Variants in GLI3 observed in about 807,000 individuals in gnomAD.
The protein encoded by GLI3 is transcription activator GLI3.
Under a neutral mutation model 100.8 loss-of-function variants are expected in GLI3, and 20 were observed. That is an observed-to-expected ratio of 0.20 (90% CI 0.14 to 0.29). The LOEUF (loss-of-function observed/expected upper bound fraction) is 0.29. Ranked by LOEUF, GLI3 falls within the 10% of genes least tolerant of loss-of-function variation. GLI3 has a pLI of 1.00. For missense variants in GLI3, 2,040 were observed against 2,128.5 expected (o/e 0.96, Z 0.82); for synonymous variants, 938 against 860.5 (o/e 1.09, Z -1.58).
intron 1 of GLI3, among the ~76,000 whole-genome samples, chr7:42,235,201 T>C (rs759737921): frequency 2.6e-4 from 39 of 152,218 alleles, no homozygotes; most frequent in Non-Finnish European, 4.6e-4. Context: ...TAATTTTTAA[T>C]CTAAAACCTA....
At chr7:41,977,922 T>C (rs1271913576) in intron 11 of GLI3, 200 bp from the exon 12 acceptor site, 1 of 609,716 alleles carries the variant, frequency 1.6e-6, no homozygotes, top group East Asian at 2.8e-5. Context: ...GAGTTTTCAG[T>C]GCCAGTAAAA....
intron 2 of GLI3, among the ~76,000 whole-genome samples, chr7:42,206,071 C>G (rs1453349702): frequency 1.3e-5 from 2 of 152,018 alleles, no homozygotes; most frequent in African/African-American, 2.4e-5. Flanking sequence ...AGTTCGAGAC[C>G]AGCCTGACCA....
At chr7:41,980,616 G>A (rs1787637614) in intron 10 of GLI3, among the ~76,000 whole-genome samples, 1 of 152,128 alleles carries the variant, frequency 6.6e-6, no homozygotes. Flanking sequence ...AGGGAGGGAG[G>A]AAGCAAGGAA....
chr7:42,219,562 T>C (rs1319651609), intron 2 of GLI3, among the ~76,000 whole-genome samples: 1 of 152,234 alleles, frequency 6.6e-6, no homozygotes, highest in African/African-American at 2.4e-5. Context: ...GGTCTGCGTA[T>C]GTTTAAACAA....
rs181715456 is a variant in GLI3, at chr7:42,120,059, C to T, written c.367+28167G>A. The stretch of plus-strand genomic sequence containing the variant: ...GTGCCATGGGTCTCAAGGCTGAGGG[C>T]TGCTTATGGATGCAACTTTAAATTT... On this transcript the variant is annotated intron_variant, in intron 3 of 14. Coordinates refer to ENST00000395925, the MANE Select transcript of GLI3 (RefSeq NM_000168.6). Among the ~76,000 whole-genome samples the T allele has an allele frequency of 3.1e-3, 468 of 152,278 alleles. 1 individual carries two copies. The highest frequency in any genetic ancestry group is 0.014 in the South Asian group (69 of 4,820).
intron 2 of GLI3, among the ~76,000 whole-genome samples, chr7:42,210,136 C>T (rs1019054184): frequency 4.3e-4 from 65 of 152,076 alleles, no homozygotes; most frequent in Non-Finnish European, 6.2e-4. Context: ...GCCCCGCTGT[C>T]GAACATGGTT....
chr7:42,222,410 T>C (rs961470421), intron 2 of GLI3, among the ~76,000 whole-genome samples: 7 of 152,062 alleles, frequency 4.6e-5, no homozygotes, highest in Admixed American at 4.6e-4. Context: ...TGGCCCACAA[T>C]GGAGAAACAG....
chr7:42,013,327 T>C (rs973991934), intron 10 of GLI3, among the ~76,000 whole-genome samples: 8 of 152,128 alleles, frequency 5.3e-5, no homozygotes, highest in Non-Finnish European at 1.0e-4. Context: ...TGTAGATGTA[T>C]GGAACTATTT....
At chr7:42,172,847 C>G (rs1440277692) in intron 2 of GLI3, among the ~76,000 whole-genome samples, 1 of 152,230 alleles carries the variant, frequency 6.6e-6, no homozygotes, top group Non-Finnish European at 1.5e-5. Flanking sequence ...ATCACTCTCA[C>G]AGCAACCTTG....
chr7:42,128,472 G>A (rs578260787), intron 3 of GLI3, among the ~76,000 whole-genome samples: 3 of 152,298 alleles, frequency 2.0e-5, no homozygotes, highest in South Asian at 2.1e-4. Flanking sequence ...TCTTTGGAAA[G>A]CTGCCTCTTT....
At chr7:42,176,001 G>T (rs990918526) in intron 2 of GLI3, among the ~76,000 whole-genome samples, 6 of 152,242 alleles carry the variant, frequency 3.9e-5, no homozygotes, top group African/African-American at 1.4e-4. Flanking sequence ...ACTCTGAACA[G>T]TACAGGGCCC....
intron 10 of GLI3, among the ~76,000 whole-genome samples, chr7:41,980,577 C>A (rs1175488166): frequency 6.6e-6 from 1 of 150,888 alleles, no homozygotes; most frequent in East Asian, 1.9e-4. Flanking sequence ...TGGATTAATG[C>A]ATATGAAAGG....
At chr7:42,249,770 C>T (rs1207284458) in intron 1 of GLI3, among the ~76,000 whole-genome samples, 2 of 125,056 alleles carry the variant, frequency 1.6e-5, no homozygotes, top group Non-Finnish European at 3.6e-5. Context: ...TGTACATGCA[C>T]AAACACACAC....
chr7:42,167,325 T>G (rs1001247304), intron 2 of GLI3, among the ~76,000 whole-genome samples: 1 of 152,148 alleles, frequency 6.6e-6, no homozygotes, highest in Non-Finnish European at 1.5e-5. Flanking sequence ...AGAATTCCTC[T>G]CTCCCAGCAT....
At chr7:42,200,559 A>G (rs139831475) in intron 2 of GLI3, among the ~76,000 whole-genome samples, 4 of 152,292 alleles carry the variant, frequency 2.6e-5, no homozygotes, top group Non-Finnish European at 5.9e-5. Flanking sequence ...TGTTGAAGTG[A>G]TGGGGAGGCA....
chr7:42,181,526 GCCCAGGAGGT>G (rs1787592987), intron 2 of GLI3, among the ~76,000 whole-genome samples: 1 of 152,100 alleles, frequency 6.6e-6, no homozygotes, highest in Admixed American at 6.6e-5. Context: ...GACTGCCTGA[GCCCAGGAGGT>G]CAAGACTGAA....
At chr7:42,166,920 G>A (rs564559435) in intron 2 of GLI3, among the ~76,000 whole-genome samples, 1 of 151,952 alleles carries the variant, frequency 6.6e-6, no homozygotes, top group East Asian at 1.9e-4. Flanking sequence ...CTGCCTCCGG[G>A]GTTTGAGCAA....
At chr7:42,065,848 G>A (rs1388778481) in intron 4 of GLI3, among the ~76,000 whole-genome samples, 3 of 152,076 alleles carry the variant, frequency 2.0e-5, no homozygotes, top group Admixed American at 2.0e-4. Context: ...TGACTTAGTA[G>A]CCTCTTTCAC....
upstream of GLI3, among the ~76,000 whole-genome samples, chr7:42,238,283 C>T (rs1355555501): frequency 6.6e-6 from 1 of 152,118 alleles, no homozygotes; most frequent in African/African-American, 2.4e-5. Flanking sequence ...CCCACCCAGC[C>T]TCTCTTTCTC....
Sources: gnomAD v4.1 joint callset for allele counts (sites outside exome capture counted in the v4.1 genomes callset) on GRCh38, gnomAD v4.1.1 for gene constraint, MANE v1.5 for transcripts, NCBI Gene and HGNC (gene_info 2026-07-23, HGNC 2026-07-21) for gene names.